Variants in DPP10 observed in about 807,000 individuals in gnomAD.
The protein encoded by DPP10 is dipeptidyl peptidase like 10, also known as inactive dipeptidyl peptidase 10.
In DPP10, 33 loss-of-function variants were observed where a neutral mutation model predicts 120.9. The ratio of observed to expected loss-of-function variants is 0.27; its 90% confidence interval spans 0.21 to 0.37. The LOEUF is 0.37. DPP10 is among the 10% of genes least tolerant of loss of function. DPP10 has a pLI of 1.00. For missense variants in DPP10, 816 were observed against 942.8 expected (o/e 0.87, Z 1.76); for synonymous variants, 337 against 326.1 (o/e 1.03, Z -0.36).
intron 5 of DPP10, among the ~76,000 whole-genome samples, chr2:115,641,161 A>G (rs930688110): frequency 2.0e-5 from 3 of 152,160 alleles, no homozygotes; most frequent in African/African-American, 7.2e-5. Context: ...AGCCCAAGCC[A>G]TCATTTCTAC....
intron 1 of DPP10, among the ~76,000 whole-genome samples, chr2:114,707,784 A>G (rs1276973373): frequency 6.6e-6 from 1 of 152,176 alleles, no homozygotes; most frequent in Admixed American, 6.6e-5. Flanking sequence ...TGGCCAGAGT[A>G]GTGGAGCGAC....
At chr2:115,037,125 G>A (rs1171014229) in intron 1 of DPP10, among the ~76,000 whole-genome samples, 2 of 152,122 alleles carry the variant, frequency 1.3e-5, no homozygotes, top group African/African-American at 4.8e-5. Context: ...AGCATATGGA[G>A]GGGTATAATG....
intron 3 of DPP10, among the ~76,000 whole-genome samples, chr2:115,478,526 C>G (rs1313029343): frequency 1.3e-5 from 2 of 152,124 alleles, no homozygotes; most frequent in African/African-American, 4.8e-5. Context: ...ACATCAAATG[C>G]ACAGACAGCG....
chr2:115,842,144 GA>G, intron 25 of DPP10, 66 bp from the exon 26 acceptor site: 1 of 1,472,050 alleles, frequency 6.8e-7, no homozygotes. Flanking sequence ...TTAGGGCTCA[GA>G]AAATGAATGC....
At chr2:115,498,996 T>A (rs2076547661) in intron 3 of DPP10, among the ~76,000 whole-genome samples, 1 of 151,722 alleles carries the variant, frequency 6.6e-6, no homozygotes, top group Non-Finnish European at 1.5e-5. Flanking sequence ...ACAGAAAAAA[T>A]TCACAACCCA....
At chr2:115,349,336 C>G (rs906968095) in intron 3 of DPP10, among the ~76,000 whole-genome samples, 1 of 152,102 alleles carries the variant, frequency 6.6e-6, no homozygotes, top group Non-Finnish European at 1.5e-5. Context: ...AGCAAGTTAT[C>G]TAAGCCTCTT....
intron 3 of DPP10, among the ~76,000 whole-genome samples, chr2:115,463,885 C>CT (rs1191290827): frequency 6.6e-6 from 1 of 152,070 alleles, no homozygotes; most frequent in Non-Finnish European, 1.5e-5. Context: ...AATTCCTTTT[C>CT]TTTTTTTCTC....
chr2:115,276,642 C>G (rs146524363), intron 1 of DPP10, among the ~76,000 whole-genome samples: 97 of 152,260 alleles, frequency 6.4e-4, no homozygotes, highest in Admixed American at 2.3e-3. Context: ...GTACAGCCCC[C>G]ATTTAGACAG....
chr2:115,346,981 C>A (rs1254266951), intron 3 of DPP10, among the ~76,000 whole-genome samples: 2 of 152,086 alleles, frequency 1.3e-5, no homozygotes, highest in East Asian at 3.9e-4. Flanking sequence ...TTTAACAGAC[C>A]TCATTGCTGT....
At chr2:115,697,524 A>G (rs1248724551) in intron 7 of DPP10, among the ~76,000 whole-genome samples, 1 of 151,940 alleles carries the variant, frequency 6.6e-6, no homozygotes, top group East Asian at 1.9e-4. Flanking sequence ...AAACATTTAT[A>G]TACCTAATAA....
intron 5 of DPP10, among the ~76,000 whole-genome samples, chr2:115,662,857 T>A (rs77446452): frequency 6.6e-6 from 1 of 152,206 alleles, no homozygotes; most frequent in African/African-American, 2.4e-5. Flanking sequence ...GTATGTAATA[T>A]ATATAGAAGT....
At chr2:114,758,686 T>A (rs1247715301) in intron 1 of DPP10, among the ~76,000 whole-genome samples, 2 of 151,756 alleles carry the variant, frequency 1.3e-5, no homozygotes, top group Non-Finnish European at 2.9e-5. Flanking sequence ...TCCTCTCTGT[T>A]AAAAAAAAGG....
chr2:115,330,127 A>C (rs1029443861), intron 2 of DPP10, among the ~76,000 whole-genome samples: 1 of 151,964 alleles, frequency 6.6e-6, no homozygotes, highest in Non-Finnish European at 1.5e-5. Context: ...AATGATCGCC[A>C]TTCTAACTGG....
At chr2:115,250,384 T>G (rs77013318) in intron 1 of DPP10, among the ~76,000 whole-genome samples, 1,531 of 152,262 alleles carry the variant, frequency 0.01, 15 homozygotes, top group South Asian at 0.019. Context: ...CCTTAAAAGT[T>G]TGTGTTGAAT....
intron 1 of DPP10, among the ~76,000 whole-genome samples, chr2:115,145,639 C>T (rs568205167): frequency 1.1e-4 from 17 of 152,196 alleles, no homozygotes; most frequent in Non-Finnish European, 1.6e-4. Flanking sequence ...TGTGGACATA[C>T]GTTTTTAATT....
At chr2:115,066,253 A>G (rs1706828462) in intron 1 of DPP10, among the ~76,000 whole-genome samples, 2 of 152,148 alleles carry the variant, frequency 1.3e-5, no homozygotes, top group African/African-American at 4.8e-5. Flanking sequence ...TTTGCCAATT[A>G]TATTGTAATT....
At chr2:115,577,148 A>G (rs2081722759) in intron 5 of DPP10, among the ~76,000 whole-genome samples, 1 of 152,182 alleles carries the variant, frequency 6.6e-6, no homozygotes, top group Non-Finnish European at 1.5e-5. Context: ...TCTACTTATG[A>G]GAAATTGTCC....
rs7581096 is a variant in DPP10 at position 114,547,473 on chromosome 2, C to T, written c.60+104635C>T. On this transcript the variant is annotated intron_variant, in intron 1 of 25. Transcript: ENST00000410059. ...AAATAGCTTTTTTTTTTTCCTTTTT[C>T]CATAAAGCAGCTGCATTTTGATTTT... 2.7e-3 allele frequency among the ~76,000 whole-genome samples: 401 copies of T among 151,266 alleles called. 3 individuals carry two copies. Among genetic ancestry groups the T allele is most frequent in the Middle Eastern group, 0.024 (7 of 292 alleles).
intron 1 of DPP10, among the ~76,000 whole-genome samples, chr2:114,550,162 T>C (rs1387014609): frequency 2.6e-5 from 4 of 152,206 alleles, no homozygotes; most frequent in Non-Finnish European, 5.9e-5. Flanking sequence ...CTCAGCTTTC[T>C]AAAATGCAGG....
Sources: gnomAD v4.1 joint callset for allele counts (sites outside exome capture counted in the v4.1 genomes callset) on GRCh38, gnomAD v4.1.1 for gene constraint, MANE v1.5 for transcripts, NCBI Gene and HGNC (gene_info 2026-07-23, HGNC 2026-07-21) for gene names.